The following TOX4 variants were observed in gnomAD, a reference collection of about 807,000 sequenced individuals.
TOX4 encodes epidermal Langerhans cell protein LCP1.
Under a neutral mutation model 61.0 loss-of-function variants are expected in TOX4, and 12 were observed. The observed-to-expected ratio is 0.20, with a 90% CI of 0.13 to 0.32. The LOEUF (loss-of-function observed/expected upper bound fraction) is 0.32, where lower values mean the gene tolerates loss of function less well. Ranked by LOEUF, TOX4 falls within the 10% of genes least tolerant of loss-of-function variation. The probability of loss-of-function intolerance (pLI) is 1.00; values close to 1 mark genes in which losing one functional copy is unlikely to be tolerated. For synonymous variants in TOX4, 268 were observed against 274.8 expected, an observed-to-expected ratio of 0.98 and a Z score of 0.24; for missense variants, 499 against 753.3, an observed-to-expected ratio of 0.66 and a Z score of 3.95.
chr14:21,490,038 G>T (rs1891258881), intron 5 of TOX4, among the ~76,000 whole-genome samples: 1 of 151,966 alleles, frequency 6.6e-6, no homozygotes, highest in Non-Finnish European at 1.5e-5. Context: ...GCTGGGTGTG[G>T]TGGCATGTGC....
intron 5 of TOX4, 162 bp from the exon 6 acceptor site, chr14:21,492,134 G>A (rs780687804): frequency 1.1e-5 from 7 of 666,284 alleles, no homozygotes; most frequent in Non-Finnish European, 1.8e-5. Flanking sequence ...CTGCCATGGA[G>A]GTTGTCTTGA....
rs1891382674 is a variant in TOX4, at chr14:21,495,564, C to T, written c.1805+172C>T. 1.7e-5 allele frequency: 11 copies of T among 647,492 alleles called. No homozygotes were observed. The South Asian group carries it at 2.5e-4, about 15-fold the overall frequency. The allele number at this position is 647,492 out of a possible 1,614,324, so 40.1% of individuals were successfully genotyped here. A position where few individuals can be genotyped will look rare whatever the true frequency, so the allele number is the denominator to read the frequency against. Reference sequence around the variant, plus strand: ...CCTGCTTAAGAGCTTACATTTGCCACATAAGCCAAAGATGATGTAATCAGC... The same window carrying T: ...CCTGCTTAAGAGCTTACATTTGCCATATAAGCCAAAGATGATGTAATCAGC... On this transcript the variant is annotated intron_variant, in intron 8 of 8. Transcript: ENST00000448790.
intron 8 of TOX4, 153 bp downstream of exon 8, chr14:21,495,545 T>A: frequency 2.4e-6 from 2 of 837,060 alleles, no homozygotes; most frequent in Non-Finnish European, 3.6e-6. Context: ...CTCCCCTGCT[T>A]AAGAGCTTAC....
chr14:21,489,272 G>C lies in TOX4; in HGVS notation c.679G>C (p.Val227Leu), dbSNP rs62621116. 1 of 1,614,172 alleles carries C rather than the reference G, an allele frequency of 6.2e-7. No individual in the cohort carries two copies. The highest frequency in any genetic ancestry group is 8.5e-7 in the Non-Finnish European group (1 of 1,180,028). ...KKDPNEPQKP[V>L]SAYALFFRDT... ...AGATCCTAATGAACCTCAGAAACCA[G>C]TTTCAGCATATGCTTTATTCTTTCG... Residue 227 changes from valine to leucine, a missense_variant, in exon 5 of 9, where the codon GTT (valine) becomes CTT (leucine). Coordinates refer to ENST00000448790, the MANE Select transcript of TOX4 (RefSeq NM_014828.4).
In TOX4 at chr14:21,498,816, G is replaced by T. The variant is rs1891478854; in HGVS notation, c.*2210G>T. 7.2e-6 allele frequency: 4 copies of T among 553,504 alleles called. No individual in the cohort carries two copies. In the Admixed American group the frequency reaches 1.3e-4, roughly 17 times the overall value. 34.3% of individuals were successfully genotyped at this position (553,504 alleles called of 1,614,324 possible). On this transcript the variant is annotated 3_prime_UTR_variant, in exon 9 of 9. Coordinates refer to ENST00000448790, the MANE Select transcript of TOX4 (RefSeq NM_014828.4). ...GTGAAGAGAGTAGAAACCCTAGGGA[G>T]CAGTGCTTTTGGGTCCTAGAACCTG...
Position 21,493,210 on chromosome 14 carries a change from CCTT to C in TOX4, c.1597_1599del (p.Ser533del). On this transcript the variant is annotated inframe_deletion, in exon 7 of 9. Coordinates refer to ENST00000448790, the MANE Select transcript of TOX4 (RefSeq NM_014828.4). ...CCCTGAGGCCCATACAGTGGAGGCA[CCTT>C]CTCCTGAGACTATCTGTGAGATGAT... 6.2e-7 allele frequency: 1 copy of C among 1,613,944 alleles called. No homozygotes were observed.
rs1891312368 is a variant in TOX4 at position 21,492,512 on chromosome 14, C to G, written c.896C>G (p.Thr299Ser). The G allele has an allele frequency of 1.9e-6, 3 of 1,613,306 alleles. No homozygotes were observed. The highest frequency in any genetic ancestry group is 2.5e-6 in the Non-Finnish European group (3 of 1,179,536). ...TTGATTTATGTCTTCTTTTAGGCCA[C>G]TGTGGAAACAGTGGAATTGGATCCA... ...AYKDNQECQA[T>S]VETVELDPAP... Residue 299 changes from threonine to serine, a missense_variant, in exon 7 of 9, where the codon ACT (threonine) becomes AGT (serine). Transcript: ENST00000448790.
At chr14:21,485,692 C>T (rs1327277261) in intron 2 of TOX4, among the ~76,000 whole-genome samples, 1 of 102,628 alleles carries the variant, frequency 9.7e-6, no homozygotes, top group Non-Finnish European at 2.1e-5. Context: ...TGGTGAAACC[C>T]CGTCTCTATT....
intron 2 of TOX4, among the ~76,000 whole-genome samples, chr14:21,480,244 A>G (rs190808600): frequency 1.1e-3 from 164 of 152,300 alleles, no homozygotes; most frequent in Non-Finnish European, 2.0e-3. Context: ...AAAGAAAGAA[A>G]CTTTCCAGGT....
At chr14:21,485,578 CAA>C (rs763582201) in intron 2 of TOX4, among the ~76,000 whole-genome samples, 1 of 79,058 alleles carries the variant, frequency 1.3e-5, no homozygotes, top group Non-Finnish European at 2.7e-5. Flanking sequence ...GACTCTATCT[CAA>C]AAAAAAAAAA....
At chr14:21,492,267 T>G (rs763927070) in intron 5 of TOX4, 29 bp from the exon 6 acceptor site, 736 of 1,309,522 alleles carry the variant, frequency 5.6e-4, no homozygotes, top group Non-Finnish European at 7.3e-4. Flanking sequence ...GGGAGTTTTG[T>G]TTTTTTTTTT....
intron 3 of TOX4, 91 bp downstream of exon 3, chr14:21,487,784 ATTAC>A (rs1891214024): frequency 7.1e-7 from 1 of 1,401,604 alleles, no homozygotes; most frequent in East Asian, 2.5e-5. Flanking sequence ...ACACTTGGGT[ATTAC>A]TTGTTTCTCT....
At chr14:21,477,996 G>A (rs188383523) in intron 2 of TOX4, among the ~76,000 whole-genome samples, 5 of 152,342 alleles carry the variant, frequency 3.3e-5, no homozygotes, top group Admixed American at 1.3e-4. Context: ...AAGTGCAGTG[G>A]TGCGATCTCG....
At chr14:21,484,097 C>T (rs1358990605) in intron 2 of TOX4, among the ~76,000 whole-genome samples, 1 of 152,164 alleles carries the variant, frequency 6.6e-6, no homozygotes, top group East Asian at 1.9e-4. Flanking sequence ...GTGTGAGCCA[C>T]CACTACCAGC....
intron 7 of TOX4, among the ~76,000 whole-genome samples, chr14:21,494,844 G>T (rs536343792): frequency 6.6e-6 from 1 of 151,730 alleles, no homozygotes; most frequent in Non-Finnish European, 1.5e-5. Context: ...GCTTGAACCC[G>T]GGAGGCAGAG....
chr14:21,488,883 G>A (rs202238774), intron 4 of TOX4, 33 bp downstream of exon 4: 10 of 1,607,618 alleles, frequency 6.2e-6, no homozygotes, highest in Non-Finnish European at 8.5e-6. Context: ...CAATTCTGCT[G>A]TGATAGTCTG....
chr14:21,484,072 G>A (rs1466880112), intron 2 of TOX4, among the ~76,000 whole-genome samples: 1 of 152,138 alleles, frequency 6.6e-6, no homozygotes, highest in Non-Finnish European at 1.5e-5. Context: ...GCTTCCCAAA[G>A]TACTGGGATT....
rs766223192 is a variant in TOX4 at position 21,492,601 on chromosome 14, C to T, written c.985C>T (p.Pro329Ser). The stretch of plus-strand genomic sequence containing the variant: ...TACTGTTGACCCAGCATCTCCAGCA[C>T]CAGCTTCAATAGAGCCCCCTGCCCT... ...MATVDPASPA[P>S]ASIEPPALSP... The change falls in exon 7 of 9, where the codon CCA becomes TCA. Residue 329 changes from proline (P) to serine (S), a missense_variant. Coordinates refer to ENST00000448790, the MANE Select transcript of TOX4 (RefSeq NM_014828.4). 3.7e-6 allele frequency: 6 copies of T among 1,613,784 alleles called. No individual in the cohort carries two copies. The Admixed American group carries it at 6.7e-5, about 18-fold the overall frequency.
intron 2 of TOX4, among the ~76,000 whole-genome samples, chr14:21,477,983 T>C (rs1471992261): frequency 6.6e-6 from 1 of 152,194 alleles, no homozygotes; most frequent in African/African-American, 2.4e-5. Context: ...ATCGCCCAGG[T>C]TGAAGTGCAG....
Sources: allele counts gnomAD v4.1 joint callset (sites outside exome capture counted in the v4.1 genomes callset), GRCh38; gene constraint gnomAD v4.1.1; transcripts MANE v1.5; gene names NCBI Gene and HGNC (gene_info 2026-07-23, HGNC 2026-07-21).